Variants in C14orf39 observed in about 807,000 individuals in gnomAD.
C14orf39 encodes the protein chromosome 14 open reading frame 39, also known as protein SIX6OS1.
C14orf39 carries 66 observed loss-of-function variants against 85.6 expected under a neutral mutation model. The ratio of observed to expected loss-of-function variants is 0.77; its 90% CI spans 0.63 to 0.95. The LOEUF (loss-of-function observed/expected upper bound fraction) is 0.95, where lower values mean the gene tolerates loss of function less well. Among genes scored for constraint, C14orf39 ranks in the 40% least tolerant of loss-of-function variants. The pLI, the probability that C14orf39 is intolerant of heterozygous loss-of-function variation, is 0.00. For synonymous variants in C14orf39, 242 were observed against 214.0 expected (o/e 1.13, Z -1.14); for missense variants, 735 against 663.9 (o/e 1.11, Z -1.18).
At chr14:60,440,918 T>C (rs1016395913) in intron 17 of C14orf39, among the ~76,000 whole-genome samples, 1 of 152,196 alleles carries the variant, frequency 6.6e-6, no homozygotes, top group African/African-American at 2.4e-5. Flanking sequence ...CTGCTCAATG[T>C]TGACTTTTAG....
intron 16 of C14orf39, among the ~76,000 whole-genome samples, chr14:60,452,333 T>C (rs763927497): frequency 2.6e-5 from 4 of 152,132 alleles, no homozygotes; most frequent in Non-Finnish European, 5.9e-5. Context: ...AATGAGATCC[T>C]GTCATTTGCA....
At chr14:60,506,438 G>T (rs981008702) in intron 1 of C14orf39, among the ~76,000 whole-genome samples, 1 of 152,194 alleles carries the variant, frequency 6.6e-6, no homozygotes, top group Admixed American at 6.5e-5. Flanking sequence ...TAAAGGTGGG[G>T]TGAGGGTCAC....
intron 13 of C14orf39, among the ~76,000 whole-genome samples, chr14:60,461,131 G>C (rs1170615119): frequency 6.6e-6 from 1 of 151,968 alleles, no homozygotes; most frequent in African/African-American, 2.4e-5. Context: ...GTTCAGTTAT[G>C]TCTGAGTAGT....
chr14:60,477,259 C>G (rs1010054990), intron 5 of C14orf39, among the ~76,000 whole-genome samples: 6 of 152,106 alleles, frequency 3.9e-5, no homozygotes, highest in Non-Finnish European at 7.4e-5. Flanking sequence ...TCATGTATTT[C>G]CATGATTTCA....
chr14:60,464,088 G>T (rs1034001608), intron 11 of C14orf39, among the ~76,000 whole-genome samples: 4 of 152,128 alleles, frequency 2.6e-5, no homozygotes, highest in South Asian at 2.1e-4. Flanking sequence ...ATTGTTTACG[G>T]AGCTTCTAGG....
chr14:60,452,135 C>T (rs1891066423), intron 16 of C14orf39, among the ~76,000 whole-genome samples: 1 of 144,392 alleles, frequency 6.9e-6, no homozygotes, highest in Non-Finnish European at 1.5e-5. Context: ...TGCAGTGAGC[C>T]GACATTGTGC....
At position 60,455,148 on chromosome 14, in the gene C14orf39, G is replaced by C. The variant is rs775199041; in HGVS notation, c.1359-3C>G. 1.9e-5 allele frequency: 29 copies of C among 1,536,060 alleles called. 1 individual carries two copies. The South Asian group carries it at 3.6e-4, about 19-fold the overall frequency. The stretch of plus-strand genomic sequence containing the variant: ...GTACTGCATTTCTATTTCTGTTACT[G>C]AGAAATAAGAAATTATCAAAATGTT... On this transcript the variant is annotated splice_region_variant and splice_polypyrimidine_tract_variant and intron_variant, in intron 15 of 17. Transcript: ENST00000321731.
At chr14:60,486,934 T>C (rs1892905809), upstream of C14orf39, among the ~76,000 whole-genome samples, 1 of 152,206 alleles carries the variant, frequency 6.6e-6, no homozygotes, top group Admixed American at 6.5e-5. Context: ...GATTTATTCT[T>C]TTGTGTGTGT....
At chr14:60,476,852 T>G (rs775614677) in intron 5 of C14orf39, among the ~76,000 whole-genome samples, 6 of 149,128 alleles carry the variant, frequency 4.0e-5, no homozygotes, top group Non-Finnish European at 9.0e-5. Context: ...CTACTTATCC[T>G]AAGCAATTGA....
intron 11 of C14orf39, among the ~76,000 whole-genome samples, chr14:60,461,878 ACCAC>A (rs1287654758): frequency 6.6e-6 from 1 of 152,128 alleles, no homozygotes; most frequent in Non-Finnish European, 1.5e-5. Context: ...TAAAATTTAT[ACCAC>A]CCATATTCAT....
intron 16 of C14orf39, among the ~76,000 whole-genome samples, chr14:60,446,226 A>AG (rs1159916007): frequency 4.6e-5 from 7 of 152,160 alleles, no homozygotes. Flanking sequence ...GCAGAACTGA[A>AG]GAGCTAGAGA....
intron 10 of C14orf39, 28 bp downstream of exon 10, chr14:60,466,889 G>A: frequency 6.9e-7 from 1 of 1,446,178 alleles, no homozygotes; most frequent in South Asian, 1.6e-5. Context: ...AAAAAATGAT[G>A]TTTTTGAATA....
At chr14:60,476,951 G>A (rs527752086) in intron 5 of C14orf39, among the ~76,000 whole-genome samples, 1 of 152,216 alleles carries the variant, frequency 6.6e-6, no homozygotes, top group East Asian at 1.9e-4. Flanking sequence ...CTTAATTCGT[G>A]CCTATATCTA....
intron 4 of C14orf39, among the ~76,000 whole-genome samples, chr14:60,481,151 CTTAA>C (rs1385111997): frequency 2.0e-5 from 3 of 152,030 alleles, no homozygotes; most frequent in African/African-American, 7.3e-5. Flanking sequence ...TGATGAATAT[CTTAA>C]TTAGCTTCTT....
chr14:60,498,295 C>T (rs999506296), intron 2 of C14orf39, among the ~76,000 whole-genome samples: 10 of 152,194 alleles, frequency 6.6e-5, no homozygotes, highest in Non-Finnish European at 1.5e-5. Context: ...GTTGAATGAG[C>T]TAACATAATT....
intron 4 of C14orf39, among the ~76,000 whole-genome samples, chr14:60,481,855 T>C (rs184279633): frequency 3.3e-5 from 5 of 152,302 alleles, no homozygotes; most frequent in Admixed American, 2.6e-4. Flanking sequence ...TTTTAAACAA[T>C]CCTTATTTGA....
chr14:60,509,912 G>C (rs1193079699), intron 1 of C14orf39: 2 of 1,612,062 alleles, frequency 1.2e-6, no homozygotes, highest in African/African-American at 1.3e-5. Flanking sequence ...CCCTACGCAG[G>C]TGGGCAACTG....
rs1316718882 is a variant in C14orf39 at position 60,471,649 on chromosome 14, A to T, written c.414T>A (p.Tyr138Ter). 12 of 1,610,694 alleles carry T rather than the reference A, an allele frequency of 7.5e-6. No individual in the cohort carries two copies. The highest frequency in any genetic ancestry group is 1.3e-5 in the African/African-American group (1 of 74,714). The change falls in exon 6 of 18, where the codon TAT (tyrosine) becomes TAA (stop). Residue 138 changes from tyrosine to a stop codon, truncating the protein, a stop_gained. Transcript: ENST00000321731. LOFTEE classifies it high-confidence loss of function. ...CTTCATGTTCTCTTTTCTTCTCATA[A>T]TATTCACGTGAAAAGGGTGTTTCTG... The part of the protein sequence containing the change: ...KYSETPFSRE[Y>*]YEKKREHEEI...
intron 16 of C14orf39, among the ~76,000 whole-genome samples, chr14:60,452,683 T>C (rs1891092102): frequency 6.6e-6 from 1 of 152,154 alleles, no homozygotes; most frequent in Non-Finnish European, 1.5e-5. Flanking sequence ...AATAAATGTT[T>C]GAGGGGATGG....
Sources: allele counts gnomAD v4.1 joint callset (sites outside exome capture counted in the v4.1 genomes callset), GRCh38; gene constraint gnomAD v4.1.1; transcripts MANE v1.5; gene names NCBI Gene and HGNC (gene_info 2026-07-23, HGNC 2026-07-21).